The following ATP8B1 variants were observed in gnomAD, a reference collection of about 807,000 sequenced individuals.
ATP8B1 encodes the protein ATPase phospholipid transporting 8B1, also known as phospholipid-transporting ATPase IC.
Under a neutral mutation model 149.9 loss-of-function variants are expected in ATP8B1, and 80 were observed. The ratio of observed to expected loss-of-function variants is 0.53; its 90% CI spans 0.45 to 0.64. The LOEUF (loss-of-function observed/expected upper bound fraction) is 0.64. Among genes scored for constraint, ATP8B1 ranks in the 30% least tolerant of loss-of-function variants. ATP8B1 has a pLI of 0.00. For missense variants in ATP8B1, 1,247 were observed against 1,552.6 expected (o/e 0.80, Z 3.31); for synonymous variants, 536 against 562.8 (o/e 0.95, Z 0.67).
chr18:57,794,495 A>G (rs2080492510), intron 1 of ATP8B1, among the ~76,000 whole-genome samples: 1 of 147,480 alleles, frequency 6.8e-6, no homozygotes, highest in East Asian at 2.0e-4. Context: ...AGTCAATTCT[A>G]TGGAATGTCA....
intron 15 of ATP8B1, among the ~76,000 whole-genome samples, chr18:57,680,277 CAAAAAAAAAAAAAAAAAA>C (rs71171066): frequency 7.4e-5 from 3 of 40,476 alleles, no homozygotes; most frequent in South Asian, 1.3e-3. Flanking sequence ...GACTCAGTCT[CAAAAAAAAAAAAAAAAAA>C]AAAAAAAGAC....
intron 15 of ATP8B1, among the ~76,000 whole-genome samples, chr18:57,680,629 C>T (rs997435224): frequency 1.4e-5 from 2 of 146,146 alleles, no homozygotes; most frequent in African/African-American, 5.1e-5. Flanking sequence ...AAAAAAACCA[C>T]ACACGCTCAC....
intron 4 of ATP8B1, 92 bp downstream of exon 4, chr18:57,704,463 C>A: frequency 1.1e-6 from 1 of 906,822 alleles, no homozygotes; most frequent in Non-Finnish European, 1.8e-6. Context: ...ATATAAAACA[C>A]TTTCAAGATT....
chr18:57,691,924 T>C lies in ATP8B1; in HGVS notation c.1103A>G (p.Asn368Ser). Reference sequence around the variant, plus strand: ...TCCATCATAGAGGTACCAAGAGGAATTGCCCACCTGTGCTTCCCAATAAGC... The same window carrying C: ...TCCATCATAGAGGTACCAAGAGGAACTGCCCACCTGTGCTTCCCAATAAGC... ...GHAYWEAQVG[N>S]SSWYLYDGED... The change falls in exon 12 of 28, where the codon AAT becomes AGT. Residue 368 changes from asparagine to serine, a missense_variant. By Grantham distance (46) the Asn-to-Ser change is conservative. Around this residue, in one of 3 missense-constraint regions of ATP8B1, gnomAD observed 853 missense variants for 1,035.7 expected, o/e 0.82. Transcript: ENST00000648908. The C allele has an allele frequency of 1.9e-6, 3 of 1,614,108 alleles. No individual in the cohort carries two copies. The highest frequency in any genetic ancestry group is 2.5e-6 in the Non-Finnish European group (3 of 1,180,016).
intron 1 of ATP8B1, among the ~76,000 whole-genome samples, chr18:57,767,590 C>T (rs1038271638): frequency 3.9e-5 from 6 of 152,192 alleles, no homozygotes; most frequent in Non-Finnish European, 7.4e-5. Context: ...GAGTTCGAGA[C>T]CAGCCTCGCT....
At chr18:57,769,216 C>T (rs56150136) in intron 1 of ATP8B1, among the ~76,000 whole-genome samples, 3,916 of 152,238 alleles carry the variant, frequency 0.026, 170 homozygotes, top group African/African-American at 0.088. Context: ...AAGGCCTGGC[C>T]GCCATTCCCT....
chr18:57,680,827 C>T (rs760755562), intron 15 of ATP8B1, among the ~76,000 whole-genome samples: 1 of 152,038 alleles, frequency 6.6e-6, no homozygotes, highest in Non-Finnish European at 1.5e-5. Flanking sequence ...ACCCGTGATG[C>T]GCAAAACTCC....
chr18:57,648,879 T>TGC (rs1217107515), intron 27 of ATP8B1, among the ~76,000 whole-genome samples, 167 bp from the exon 28 acceptor site: 1 of 139,372 alleles, frequency 7.2e-6, no homozygotes, highest in Non-Finnish European at 1.5e-5. Flanking sequence ...TGTGTGTGTG[T>TGC]GTGTGTGTAT....
intron 6 of ATP8B1, among the ~76,000 whole-genome samples, chr18:57,700,753 T>G (rs1157403112): frequency 6.6e-6 from 1 of 152,100 alleles, no homozygotes; most frequent in Admixed American, 6.6e-5. Flanking sequence ...ACCCCATCTC[T>G]ACTAAAAGTA....
intron 1 of ATP8B1, 21 bp from the exon 2 acceptor site, chr18:57,731,853 A>G (rs191520709): frequency 1.2e-6 from 2 of 1,611,782 alleles, no homozygotes; most frequent in East Asian, 2.2e-5. Context: ...AAGAGAAACC[A>G]GAGTGAATTA....
chr18:57,794,806 A>G (rs1021325903), intron 1 of ATP8B1, among the ~76,000 whole-genome samples: 1 of 151,424 alleles, frequency 6.6e-6, no homozygotes, highest in African/African-American at 2.4e-5. Context: ...GAAAGAAAGA[A>G]AGAAAGAAAG....
intron 27 of ATP8B1, among the ~76,000 whole-genome samples, chr18:57,649,190 A>ATATC (rs71171056): frequency 0.031 from 4,602 of 148,190 alleles, 75 homozygotes; most frequent in Middle Eastern, 0.042. Flanking sequence ...GTGCTTGGCT[A>ATATC]TATCTATCTA....
chr18:57,684,988 C>T, intron 14 of ATP8B1, 84 bp downstream of exon 14: 1 of 1,543,060 alleles, frequency 6.5e-7, no homozygotes, highest in East Asian at 2.2e-5. Context: ...AAGAGTCTTC[C>T]CTAGACCTTC....
intron 6 of ATP8B1, among the ~76,000 whole-genome samples, chr18:57,698,938 G>T (rs1184921119): frequency 6.6e-6 from 1 of 152,060 alleles, no homozygotes; most frequent in African/African-American, 2.4e-5. Flanking sequence ...ATGTGTGTAG[G>T]TGTCTCATCT....
intron 1 of ATP8B1, among the ~76,000 whole-genome samples, chr18:57,745,906 C>T (rs79904047): frequency 0.01 from 1,549 of 152,226 alleles, 27 homozygotes; most frequent in African/African-American, 0.035. Context: ...AGCAATCCTC[C>T]CACCTCAACC....
At chr18:57,743,568 C>G (rs1409588309) in intron 1 of ATP8B1, among the ~76,000 whole-genome samples, 11 of 151,966 alleles carry the variant, frequency 7.2e-5, no homozygotes, top group African/African-American at 2.7e-4. Flanking sequence ...CTGGGAGTCA[C>G]AGAGGTGAGC....
chr18:57,755,843 A>G (rs548461379), intron 1 of ATP8B1, among the ~76,000 whole-genome samples: 4 of 152,286 alleles, frequency 2.6e-5, no homozygotes, highest in Non-Finnish European at 5.9e-5. Context: ...CAGCCATAAC[A>G]TAATTAACGG....
intron 1 of ATP8B1, among the ~76,000 whole-genome samples, chr18:57,750,191 C>T (rs1033355004): frequency 3.3e-5 from 5 of 152,004 alleles, no homozygotes; most frequent in African/African-American, 7.2e-5. Context: ...TGCAGTGAGC[C>T]GAGACTGTGC....
intron 1 of ATP8B1, among the ~76,000 whole-genome samples, chr18:57,751,315 C>T (rs1006716357): frequency 3.3e-5 from 5 of 151,744 alleles, no homozygotes; most frequent in Non-Finnish European, 7.4e-5. Flanking sequence ...GAAACCACAG[C>T]TGTACAAAAT....
Sources: allele counts gnomAD v4.1 joint callset (sites outside exome capture counted in the v4.1 genomes callset), GRCh38; gene constraint gnomAD v4.1.1; regional missense constraint gnomAD v4.1.1; transcripts MANE v1.5; gene names NCBI Gene and HGNC (gene_info 2026-07-23, HGNC 2026-07-21).